Variants in OR2H1 observed in about 807,000 individuals in gnomAD.
OR2H1 encodes the protein olfactory receptor 2H1.
For missense variants in OR2H1, 380 were observed against 367.3 expected, an observed-to-expected ratio of 1.03 and a Z score of -0.28; for synonymous variants, 155 against 155.2, an observed-to-expected ratio of 1.00 and a Z score of 0.01.
At position 29,462,389 on chromosome 6, in the gene OR2H1, T is replaced by C. The variant is rs141617289; in HGVS notation, c.620T>C (p.Val207Ala). 872 of 1,613,006 alleles carry C rather than the reference T, an allele frequency of 5.4e-4. 1 individual carries two copies. Among genetic ancestry groups the C allele is most frequent in the Non-Finnish European group, 7.2e-4 (846 of 1,180,044 alleles). Reference protein sequence around the residue: ...LAVSSVIFVVVPLSLILASYG... With the variant: ...LAVSSVIFVVAPLSLILASYG... ...GTGTCCAGTGTCATCTTCGTGGTTGTGCCTCTCAGCCTCATCCTTGCCTCT... is the reference window on the plus strand; with the variant it reads ...GTGTCCAGTGTCATCTTCGTGGTTGCGCCTCTCAGCCTCATCCTTGCCTCT... The change falls in exon 4 of 4, where the codon GTG becomes GCG. Residue 207 changes from valine to alanine, a missense_variant. Transcript: ENST00000377133.
chr6:29,462,054 C>T lies in OR2H1; in HGVS notation c.285C>T (p.Cys95=), dbSNP rs1787337498. ...AGAAGACCATCAGCTTCCTGGGATGCTCTGTCCAGCTCTTCATCTTCCTGT... is the reference window on the plus strand; with the variant it reads ...AGAAGACCATCAGCTTCCTGGGATGTTCTGTCCAGCTCTTCATCTTCCTGT... ...GPKKTISFLG[C]SVQLFIFLSL... is the part of the protein sequence containing the mutation. The change falls in exon 4 of 4, where the codon TGC becomes TGT. Residue 95 remains cysteine, a synonymous_variant. Coordinates refer to ENST00000377133, the MANE Select transcript of OR2H1 (RefSeq NM_030883.5). 6.2e-7 allele frequency: 1 copy of T among 1,613,436 alleles called. No homozygotes were observed. The highest frequency in any genetic ancestry group is 1.1e-5 in the South Asian group (1 of 91,082).
rs1452185778 is a variant in OR2H1 at position 29,462,308 on chromosome 6, C to T, written c.539C>T (p.Pro180Leu). 1 of 1,613,036 alleles carries T rather than the reference C, an allele frequency of 6.2e-7. No homozygotes were observed. Among genetic ancestry groups the T allele is most frequent in the Non-Finnish European group, 8.5e-7 (1 of 1,180,054 alleles). Reference protein sequence around the residue: ...QQIDDFLCEVPSLIRLSCGDT... With the variant: ...QQIDDFLCEVLSLIRLSCGDT... The stretch of plus-strand genomic sequence containing the variant: ...ATAGATGACTTTTTATGTGAGGTCC[C>T]ATCTCTGATTCGACTCTCCTGTGGA... Residue 180 changes from proline to leucine, a missense_variant, in exon 4 of 4, where the codon CCA becomes CTA. By Grantham distance (98) the Pro-to-Leu change is moderately conservative. Transcript: ENST00000377133.
At position 29,462,066 on chromosome 6, in the gene OR2H1, C is replaced by A; in HGVS notation, c.297C>A (p.Leu99=). 1 of 1,613,604 alleles carries A rather than the reference C, an allele frequency of 6.2e-7. No homozygotes were observed. Among genetic ancestry groups the A allele is most frequent in the Non-Finnish European group, 8.5e-7 (1 of 1,180,028 alleles). ...GCTTCCTGGGATGCTCTGTCCAGCT[C>A]TTCATCTTCCTGTCCCTGGGGACCA... The part of the protein sequence containing the change: ...TISFLGCSVQ[L]FIFLSLGTTE... The change falls in exon 4 of 4, where the codon CTC becomes CTA. Residue 99 remains leucine (L), a synonymous_variant. Coordinates refer to ENST00000377133, the MANE Select transcript of OR2H1 (RefSeq NM_030883.5).
rs1787618032 is a variant in OR2H1, at chr6:29,463,887, GGGC to G, written c.*1168_*1170del. On this transcript the variant is annotated 3_prime_UTR_variant, in exon 4 of 4. Coordinates refer to ENST00000377133, the MANE Select transcript of OR2H1 (RefSeq NM_030883.5). ...CAACTCTCTGGAGTCTCTTTTATGA[GGGC>G]ACTAATTCCAATTATGAAGCCTCTT... The G allele has an allele frequency of 6.0e-6, 1 of 166,418 alleles. No homozygotes were observed. Among genetic ancestry groups the G allele is most frequent in the African/African-American group, 2.4e-5 (1 of 41,396 alleles). 10.3% of individuals were successfully genotyped at this position (166,418 alleles called of 1,614,324 possible).
In OR2H1 at chr6:29,462,869, G is replaced by A. The variant is rs1408599921; in HGVS notation, c.*149G>A. 6.3e-6 allele frequency: 4 copies of A among 634,962 alleles called. No homozygotes were observed. The highest frequency in any genetic ancestry group is 1.1e-5 in the Non-Finnish European group (4 of 358,522). 39.3% of individuals were successfully genotyped at this position (634,962 alleles called of 1,614,324 possible). A position where few individuals can be genotyped will look rare whatever the true frequency, so the allele number is the denominator to read the frequency against. On this transcript the variant is annotated 3_prime_UTR_variant, in exon 4 of 4. Coordinates refer to ENST00000377133, the MANE Select transcript of OR2H1 (RefSeq NM_030883.5). The stretch of plus-strand genomic sequence containing the variant: ...TGAGAGGGAGAATGAGAAAGAGAGG[G>A]ACAGAGAGATAAAAGAAATTGGGTG...
At chr6:29,457,914 T>G (rs1173181164) in intron 1 of OR2H1, among the ~76,000 whole-genome samples, 1 of 152,174 alleles carries the variant, frequency 6.6e-6, no homozygotes, top group Non-Finnish European at 1.5e-5. Context: ...ACATTCCTTC[T>G]TAACCATTAG....
rs1402761011 is a variant in OR2H1 at position 29,461,569 on chromosome 6, C to A, written c.-201C>A. 1 of 533,678 alleles carries A rather than the reference C, an allele frequency of 1.9e-6. No individual in the cohort carries two copies. Among genetic ancestry groups the A allele is most frequent in the East Asian group, 2.9e-5 (1 of 34,598 alleles). 33.1% of individuals were successfully genotyped at this position (533,678 alleles called of 1,614,324 possible). On this transcript the variant is annotated 5_prime_UTR_variant, in exon 4 of 4. Transcript: ENST00000377133. Reference sequence around the variant, plus strand: ...TGGTTTCCTCACTTCTGCTAGACAACGTTTGATCAGAAGGAACAGGGAACG... The same window carrying A: ...TGGTTTCCTCACTTCTGCTAGACAAAGTTTGATCAGAAGGAACAGGGAACG...
rs762512188 is a variant in OR2H1, at chr6:29,461,807, T to C, written c.38T>C (p.Leu13Pro). 2 of 1,613,070 alleles carry C rather than the reference T, an allele frequency of 1.2e-6. No individual in the cohort carries two copies. The highest frequency in any genetic ancestry group is 2.2e-5 in the South Asian group (2 of 91,086). The change falls in exon 4 of 4, where the codon CTG (leucine) becomes CCG (proline). Residue 13 changes from leucine to proline, a missense_variant. By Grantham distance (98) the Leu-to-Pro change is moderately conservative (BLOSUM62 -3). Coordinates refer to ENST00000377133, the MANE Select transcript of OR2H1 (RefSeq NM_030883.5). The stretch of plus-strand genomic sequence containing the variant: ...AGCTCCCCCATGGGCTTCCTCCTTC[T>C]GGGCTTCTCTGAACACCCAGCACTG... ...NQSSPMGFLL[L>P]GFSEHPALER... is the part of the protein sequence containing the mutation.
At chr6:29,461,252 G>A (rs1006326624) in intron 3 of OR2H1, among the ~76,000 whole-genome samples, 16 of 152,104 alleles carry the variant, frequency 1.1e-4, no homozygotes, top group African/African-American at 3.4e-4. Context: ...AGATAAAGTA[G>A]ATAAAACATG....
In OR2H1 at chr6:29,461,881, GT is replaced by G; in HGVS notation, c.113del (p.Val38GlyfsTer76). 6.2e-7 allele frequency: 1 copy of G among 1,612,956 alleles called. No homozygotes were observed. The highest frequency in any genetic ancestry group is 2.2e-5 in the East Asian group (1 of 44,882). ...CTTCACTTCCTACCTCTTGACCCTG[GT>G]GGGCAACACACTCATCATCCTGCTG... is the stretch of plus-strand genomic sequence containing the variant. The part of the protein sequence containing the change: ...VVFTSYLLTL[V>X]GNTLIILLSV... On this transcript the variant is annotated frameshift_variant, in exon 4 of 4. Coordinates refer to ENST00000377133, the MANE Select transcript of OR2H1 (RefSeq NM_030883.5). LOFTEE classifies it low-confidence loss of function (END_TRUNC).
rs1002371386 is a variant in OR2H1, at chr6:29,463,864, A to C, written c.*1144A>C. ...CCACACATGGTGAAAGGGACTACCA[A>C]CTCTCTGGAGTCTCTTTTATGAGGG... On this transcript the variant is annotated 3_prime_UTR_variant, in exon 4 of 4. Transcript: ENST00000377133. 2 of 166,732 alleles carry C rather than the reference A, an allele frequency of 1.2e-5. No homozygotes were observed. The highest frequency in any genetic ancestry group is 2.9e-5 in the Non-Finnish European group (2 of 68,090). 10.3% of individuals were successfully genotyped at this position (166,732 alleles called of 1,614,324 possible).
Position 29,461,773 on chromosome 6 carries a change from G to A in OR2H1, c.4G>A (p.Val2Ile). ...CAGGTACAAACAAGAACAGGCCATG[G>A]TTAACCAAAGCTCCCCCATGGGCTT... M[V>I]NQSSPMGFLL... Residue 2 changes from valine (V) to isoleucine (I), a missense_variant, in exon 4 of 4, where the codon GTT becomes ATT. Coordinates refer to ENST00000377133, the MANE Select transcript of OR2H1 (RefSeq NM_030883.5). The A allele has an allele frequency of 6.2e-7, 1 of 1,611,738 alleles. No homozygotes were observed. Among genetic ancestry groups the A allele is most frequent in the Non-Finnish European group, 8.5e-7 (1 of 1,179,212 alleles).
rs1282719875 is a variant in OR2H1, at chr6:29,463,243, C to T, written c.*523C>T. The T allele has an allele frequency of 4.0e-5, 7 of 173,986 alleles. No individual in the cohort carries two copies. The highest frequency in any genetic ancestry group is 6.9e-5 in the Non-Finnish European group (5 of 72,018). The allele number at this position is 173,986 out of a possible 1,614,324, so 10.8% of individuals were successfully genotyped here. On this transcript the variant is annotated 3_prime_UTR_variant, in exon 4 of 4. Transcript: ENST00000377133. Reference sequence around the variant, plus strand: ...TTTAGAACCTGCCTCAATGCCATCTCTCACTCTCCTTCTTATATCCCTGGG... The same window carrying T: ...TTTAGAACCTGCCTCAATGCCATCTTTCACTCTCCTTCTTATATCCCTGGG...
chr6:29,458,442 A>G lies in OR2H1; in HGVS notation c.-442-12A>G, dbSNP rs944073923. On this transcript the variant is annotated splice_polypyrimidine_tract_variant and intron_variant, in intron 1 of 3. Transcript: ENST00000377133. ...TTCCAATAATCATCAAGAGTATAAC[A>G]TTCCTCTTTAGTTTGCTTTTAGTTC... 6.6e-6 allele frequency: 1 copy of G among 152,216 alleles called. No homozygotes were observed. Among genetic ancestry groups the G allele is most frequent in the Non-Finnish European group, 1.5e-5 (1 of 68,044 alleles). 9.4% of individuals were successfully genotyped at this position (152,216 alleles called of 1,614,324 possible). A position where few individuals can be genotyped will look rare whatever the true frequency, so the allele number is the denominator to read the frequency against.
In OR2H1 at chr6:29,461,545, G is replaced by A. The variant is rs774435135; in HGVS notation, c.-225G>A. On this transcript the variant is annotated 5_prime_UTR_variant, in exon 4 of 4. Transcript: ENST00000377133. ...TCCACCTGCTTTCCAGCACATTCTT[G>A]GTTTCCTCACTTCTGCTAGACAACG... 1.2e-5 allele frequency: 6 copies of A among 496,906 alleles called. No homozygotes were observed. Among genetic ancestry groups the A allele is most frequent in the Non-Finnish European group, 2.1e-5 (6 of 282,696 alleles). 30.8% of individuals were successfully genotyped at this position (496,906 alleles called of 1,614,324 possible).
chr6:29,459,748 C>G (rs1167472178), intron 2 of OR2H1: 1 of 152,264 alleles, frequency 6.6e-6, no homozygotes, highest in East Asian at 1.9e-4. Flanking sequence ...GTGCCGCATC[C>G]CACCCCCATC....
rs1787362454 is a variant in OR2H1, at chr6:29,462,183, G to C, written c.414G>C (p.Leu138=). 3 of 1,613,638 alleles carry C rather than the reference G, an allele frequency of 1.9e-6. No homozygotes were observed. The highest frequency in any genetic ancestry group is 2.5e-6 in the Non-Finnish European group (3 of 1,180,024). Reference sequence around the variant, plus strand: ...ATGCCACCATCATCCACCCCCGCCTGTGCTGGCAGCTGGCATCTGTGGCCT... The same window carrying C: ...ATGCCACCATCATCCACCCCCGCCTCTGCTGGCAGCTGGCATCTGTGGCCT... ...LHYATIIHPR[L]CWQLASVAWV... The change falls in exon 4 of 4, where the codon CTG becomes CTC. Residue 138 remains leucine (L), a synonymous_variant. Coordinates refer to ENST00000377133, the MANE Select transcript of OR2H1 (RefSeq NM_030883.5).
At chr6:29,461,392 CACA>C (rs1249844399) in intron 3 of OR2H1, 100 bp from the exon 4 acceptor site, 2 of 223,904 alleles carry the variant, frequency 8.9e-6, no homozygotes, top group Admixed American at 1.0e-4. Flanking sequence ...TCAGAACTAC[CACA>C]ACATTTAGAA....
chr6:29,459,113 T>C (rs1306957212), intron 2 of OR2H1, among the ~76,000 whole-genome samples: 1 of 152,090 alleles, frequency 6.6e-6, no homozygotes. Context: ...AGAAAAAACA[T>C]ACAGTGAGAC....
Sources: allele counts gnomAD v4.1 joint callset (sites outside exome capture counted in the v4.1 genomes callset), GRCh38; gene constraint gnomAD v4.1.1; transcripts MANE v1.5; gene names NCBI Gene and HGNC (gene_info 2026-07-23, HGNC 2026-07-21).